The following LRRC56 variants were observed in gnomAD, a reference collection of about 807,000 sequenced individuals.
LRRC56 encodes leucine rich repeat containing 56.
LRRC56 carries 41 observed loss-of-function variants against 47.8 expected under a neutral mutation model. That is an observed-to-expected ratio of 0.86 (90% CI 0.67 to 1.11). The LOEUF (loss-of-function observed/expected upper bound fraction) is 1.11, where lower values mean the gene tolerates loss of function less well. Among genes scored for constraint, LRRC56 ranks in the 50% most tolerant of loss-of-function variants. LRRC56 has a pLI of 0.00. For synonymous variants in LRRC56, 387 were observed against 311.2 expected, an observed-to-expected ratio of 1.24 and a Z score of -2.56; for missense variants, 759 against 704.2, an observed-to-expected ratio of 1.08 and a Z score of -0.88.
At chr11:515,669 C>G in the LRRC56 span, among the ~76,000 whole-genome samples, 1 of 152,160 alleles carries the variant, frequency 6.6e-6, no homozygotes, top group Non-Finnish European at 1.5e-5. Context: ...GAAACCCCGT[C>G]TCTACTAAAA....
At chr11:546,142 T>C (rs1427469849) in intron 6 of LRRC56, among the ~76,000 whole-genome samples, 3 of 152,074 alleles carry the variant, frequency 2.0e-5, no homozygotes, top group African/African-American at 7.2e-5. Context: ...TGGTGGCACA[T>C]GCCTGTAACC....
chr11:528,676 GACA>G, the LRRC56 span: 3 of 152,232 alleles, frequency 2.0e-5, no homozygotes, highest in Non-Finnish European at 4.4e-5. Flanking sequence ...CCACGGGGGT[GACA>G]GTGACAAGGA....
the LRRC56 span, among the ~76,000 whole-genome samples, chr11:513,272 C>T: frequency 6.6e-6 from 1 of 152,208 alleles, no homozygotes; most frequent in Non-Finnish European, 1.5e-5. Flanking sequence ...TCTGCCTCAG[C>T]CACCCGAGTA....
chr11:544,011 G>GT (rs1258421830), intron 5 of LRRC56, among the ~76,000 whole-genome samples: 15 of 152,222 alleles, frequency 9.9e-5, no homozygotes, highest in African/African-American at 3.4e-4. Flanking sequence ...GCCTCCCAAA[G>GT]TGCTGGGATT....
chr11:518,902 C>CG, the LRRC56 span, among the ~76,000 whole-genome samples: 15,728 of 150,562 alleles, frequency 0.1, 1,018 homozygotes, highest in African/African-American at 0.15. Context: ...GGGACCGGGG[C>CG]GGGGGGGCGT....
Position 541,440 on chromosome 11 carries a change from C to T in LRRC56, c.178-97C>T. 3.1e-6 allele frequency: 2 copies of T among 653,726 alleles called. No individual in the cohort carries two copies. The highest frequency in any genetic ancestry group is 5.0e-6 in the Non-Finnish European group (2 of 402,960). 40.5% of individuals were successfully genotyped at this position (653,726 alleles called of 1,614,324 possible). On this transcript the variant is annotated intron_variant, in intron 4 of 13. Transcript: ENST00000270115. This position sits in a 1 kb window ranked among gnomAD's most constrained non-coding sequence, Gnocchi z 4.1. ...CCAGGCAGGGAAACGTCGGTGCCTG[C>T]TCCAGCGGGAGCCCCAGAGTCCTGT...
At chr11:553,153 C>G (rs1170804804) in intron 13 of LRRC56, among the ~76,000 whole-genome samples, 1 of 152,132 alleles carries the variant, frequency 6.6e-6, no homozygotes, top group African/African-American at 2.4e-5. Context: ...GCCGCTTCAC[C>G]CTGAAGATGG....
At chr11:539,257 T>C (rs543580512) in intron 2 of LRRC56, among the ~76,000 whole-genome samples, 1 of 151,502 alleles carries the variant, frequency 6.6e-6, no homozygotes, top group Non-Finnish European at 1.5e-5. Context: ...ACTATGTTTT[T>C]TGTATCTTTA....
chr11:520,759 G>T, the LRRC56 span, among the ~76,000 whole-genome samples: 1 of 152,008 alleles, frequency 6.6e-6, no homozygotes, highest in African/African-American at 2.4e-5. Context: ...GGCCTCTGCC[G>T]CCTGAGTTCT....
At chr11:539,370 C>T (rs1033706251) in intron 2 of LRRC56, among the ~76,000 whole-genome samples, 1 of 145,984 alleles carries the variant, frequency 6.9e-6, no homozygotes, top group Admixed American at 6.9e-5. Context: ...CAGGTGTGAG[C>T]CACCGCACCC....
the LRRC56 span, chr11:507,285 C>G: frequency 6.9e-6 from 1 of 144,210 alleles, no homozygotes; most frequent in Non-Finnish European, 1.5e-5. Flanking sequence ...GCGGGGACTA[C>G]TGGGCGGGGC....
chr11:533,987 TG>T, upstream of LRRC56: 3 of 1,591,000 alleles, frequency 1.9e-6, no homozygotes. Context: ...GGACCTTCCG[TG>T]GGGGGAGTTC....
chr11:533,446 GC>G (rs1463855552), upstream of LRRC56: 1 of 1,612,604 alleles, frequency 6.2e-7, no homozygotes, highest in Non-Finnish European at 8.5e-7. Flanking sequence ...GTGGAGAGCT[GC>G]CTCACCTGCC....
upstream of LRRC56, among the ~76,000 whole-genome samples, chr11:534,896 C>A (rs959122082): frequency 6.6e-6 from 1 of 152,168 alleles, no homozygotes; most frequent in Non-Finnish European, 1.5e-5. Context: ...GGCGGGGAAC[C>A]GGGGGCATCT....
the LRRC56 span, among the ~76,000 whole-genome samples, chr11:521,444 G>A: frequency 4.6e-5 from 7 of 152,100 alleles, no homozygotes; most frequent in African/African-American, 1.7e-4. Context: ...GAGAAGCTGC[G>A]ACTACAAGCA....
At chr11:522,518 G>T in the LRRC56 span, among the ~76,000 whole-genome samples, 1 of 151,976 alleles carries the variant, frequency 6.6e-6, no homozygotes, top group Non-Finnish European at 1.5e-5. Context: ...CGCCCACCTC[G>T]GCCTCCCAAA....
At chr11:545,995 G>A (rs775039676) in intron 6 of LRRC56, among the ~76,000 whole-genome samples, 2 of 152,214 alleles carry the variant, frequency 1.3e-5, no homozygotes, top group Non-Finnish European at 2.9e-5. Flanking sequence ...AATGGGCCGG[G>A]CACGGTGTCT....
intron 5 of LRRC56, 104 bp from the exon 6 acceptor site, chr11:544,616 C>G: frequency 8.3e-7 from 1 of 1,203,680 alleles, no homozygotes; most frequent in Non-Finnish European, 1.2e-6. Flanking sequence ...GGCTGGCCCA[C>G]GAGCAGTGAG....
At chr11:526,794 A>G in the LRRC56 span, among the ~76,000 whole-genome samples, 1 of 151,904 alleles carries the variant, frequency 6.6e-6, no homozygotes, top group Non-Finnish European at 1.5e-5. Flanking sequence ...AAAATTAGCC[A>G]GGCATGGTGG....
Sources: gnomAD v4.1 joint callset for allele counts (sites outside exome capture counted in the v4.1 genomes callset) on GRCh38, gnomAD v4.1.1 for gene constraint, Gnocchi (gnomAD v3.1) non-coding constraint, MANE v1.5 for transcripts, NCBI Gene and HGNC (gene_info 2026-07-23, HGNC 2026-07-21) for gene names.